The following FMN2 variants were observed in gnomAD, a reference collection of about 807,000 sequenced individuals.
The protein encoded by FMN2 is formin 2, also known as formin-2.
FMN2 carries 51 observed loss-of-function variants against 142.3 expected under a neutral mutation model. That is an observed-to-expected ratio of 0.36 (90% CI 0.29 to 0.45). The LOEUF (loss-of-function observed/expected upper bound fraction) is 0.45. Ranked by LOEUF, FMN2 falls within the 20% of genes least tolerant of loss-of-function variation. The probability of loss-of-function intolerance (pLI) is 1.00; values close to 1 mark genes in which losing one functional copy is unlikely to be tolerated. For missense variants in FMN2, 1,936 were observed against 2,122.8 expected (o/e 0.91, Z 1.73); for synonymous variants, 882 against 869.8 (o/e 1.01, Z -0.25).
At chr1:240,181,344 C>G (rs955612662) in intron 3 of FMN2, among the ~76,000 whole-genome samples, 1 of 152,196 alleles carries the variant, frequency 6.6e-6, no homozygotes, top group Non-Finnish European at 1.5e-5. Context: ...ATTCACATGT[C>G]CAGCTAGTTC....
At position 240,211,061 on chromosome 1, in the gene FMN2, C is replaced by T. The variant is rs768682720; in HGVS notation, c.3921-30C>T. The T allele has an allele frequency of 4.4e-6, 7 of 1,579,664 alleles. No individual in the cohort carries two copies. The South Asian group carries it at 5.9e-5, about 13-fold the overall frequency. ...CTGTGATGTAAGTTCAGTTTGATGG[C>T]TGTTTTATTGTTCTTTTGCTTAATT... On this transcript the variant is annotated intron_variant, in intron 5 of 17. Transcript: ENST00000319653.
At chr1:240,434,206 G>A (rs1675275306) in intron 15 of FMN2, among the ~76,000 whole-genome samples, 1 of 152,150 alleles carries the variant, frequency 6.6e-6, no homozygotes, top group Non-Finnish European at 1.5e-5. Context: ...TCATGTGCCA[G>A]GGTCATTTCG....
intron 15 of FMN2, among the ~76,000 whole-genome samples, chr1:240,420,725 T>C (rs2103141690): frequency 6.6e-6 from 1 of 152,244 alleles, no homozygotes; most frequent in Middle Eastern, 3.4e-3. Context: ...TCTTCAGCAA[T>C]CACATAGCCA....
chr1:240,459,159 T>C (rs1424818246), intron 16 of FMN2: 1 of 152,224 alleles, frequency 6.6e-6, no homozygotes, highest in Non-Finnish European at 1.5e-5. Context: ...AAGCTCTTAA[T>C]AGTACCTTTC....
intron 15 of FMN2, among the ~76,000 whole-genome samples, chr1:240,421,660 C>T (rs892876881): frequency 6.6e-6 from 1 of 152,030 alleles, no homozygotes; most frequent in African/African-American, 2.4e-5. Flanking sequence ...TTTAATTTTT[C>T]TTGTTTCATT....
intron 2 of FMN2, 141 bp from the exon 3 acceptor site, chr1:240,177,780 T>C (rs1664980067): frequency 7.5e-6 from 5 of 664,258 alleles, no homozygotes; most frequent in Middle Eastern, 4.6e-4. Context: ...CTGAATAGTA[T>C]AAAAATGCTG....
chr1:240,387,646 C>A (rs1046442420), intron 14 of FMN2, among the ~76,000 whole-genome samples: 14 of 152,286 alleles, frequency 9.2e-5, no homozygotes, highest in Admixed American at 9.2e-4. Flanking sequence ...GCCATAATTT[C>A]TCTGTTGCTG....
intron 16 of FMN2, among the ~76,000 whole-genome samples, chr1:240,448,889 T>C (rs1030677972): frequency 4.6e-5 from 7 of 152,086 alleles, no homozygotes; most frequent in Admixed American, 4.6e-4. Context: ...ACACCTGTAA[T>C]CCCAGTACTT....
intron 16 of FMN2, chr1:240,472,121 T>C (rs1676831254): frequency 2.6e-6 from 1 of 377,490 alleles, no homozygotes; most frequent in African/African-American, 2.1e-5. Context: ...ATAGAAATTC[T>C]TATGTGTTTG....
intron 8 of FMN2, among the ~76,000 whole-genome samples, chr1:240,295,614 T>C (rs1423255484): frequency 6.6e-6 from 1 of 152,212 alleles, no homozygotes; most frequent in African/African-American, 2.4e-5. Flanking sequence ...TTTTTATGGG[T>C]GAATAATATT....
intron 7 of FMN2, among the ~76,000 whole-genome samples, chr1:240,287,930 G>T (rs1157412303): frequency 6.6e-6 from 1 of 152,142 alleles, no homozygotes; most frequent in Non-Finnish European, 1.5e-5. Context: ...AGTGCCATCA[G>T]GTGGCAATGT....
In FMN2 at chr1:240,207,516, C is replaced by T. The variant is rs2103387807; in HGVS notation, c.2704C>T (p.Leu902=). The T allele has an allele frequency of 6.2e-7, 1 of 1,613,510 alleles. No homozygotes were observed. The highest frequency in any genetic ancestry group is 1.1e-5 in the South Asian group (1 of 91,054). Residue 902 remains leucine, a synonymous_variant, in exon 5 of 18, where the codon CTG becomes TTG. Transcript: ENST00000319653. ...TACAGCCATTCCCCAACCTCCTCCT[C>T]TGCAGGGTACAGAAATGCTGCCACC... ...PSTAIPQPPP[L]QGTEMLPPPP... is the part of the protein sequence containing the mutation.
intron 2 of FMN2, chr1:240,142,577 C>G: frequency 7.6e-7 from 1 of 1,324,324 alleles, no homozygotes; most frequent in South Asian, 1.4e-5. Flanking sequence ...GCAACAATTC[C>G]CCCGGAAGTC....
intron 15 of FMN2, among the ~76,000 whole-genome samples, chr1:240,426,343 G>T (rs1032280903): frequency 4.6e-5 from 7 of 152,040 alleles, no homozygotes; most frequent in Admixed American, 2.0e-4. Context: ...TTTATTATCT[G>T]TGGAACATAA....
In FMN2 at chr1:240,438,189, A is replaced by G; in HGVS notation, c.5039A>G (p.Asn1680Ser). The G allele has an allele frequency of 6.2e-7, 1 of 1,613,330 alleles. No individual in the cohort carries two copies. Among genetic ancestry groups the G allele is most frequent in the Non-Finnish European group, 8.5e-7 (1 of 1,179,818 alleles). Reference sequence around the variant, plus strand: ...TTTAAAGACTTCTGGAAGAAAGAGAACAAACTTCTTCTACAAGAGAGGTAG... The same window carrying G: ...TTTAAAGACTTCTGGAAGAAAGAGAGCAAACTTCTTCTACAAGAGAGGTAG... ...SDFKDFWKKE[N>S]KLLLQERVKE... Residue 1680 changes from asparagine (N) to serine (S), a missense_variant, in exon 16 of 18, where the codon AAC (asparagine) becomes AGC (serine). Physicochemically the swap from Asn to Ser is conservative, Grantham distance 46. Coordinates refer to ENST00000319653, the MANE Select transcript of FMN2 (RefSeq NM_020066.5).
chr1:240,415,547 G>T (rs1201165523), intron 15 of FMN2, among the ~76,000 whole-genome samples: 2 of 147,532 alleles, frequency 1.4e-5, no homozygotes, highest in African/African-American at 5.0e-5. Context: ...AAAAAAAATT[G>T]AAGTCTCCAC....
intron 7 of FMN2, among the ~76,000 whole-genome samples, chr1:240,276,990 C>A (rs1485863733): frequency 6.6e-6 from 1 of 152,160 alleles, no homozygotes; most frequent in Admixed American, 6.5e-5. Flanking sequence ...GTTTTAAAAT[C>A]AGGCTGTGTG....
At chr1:240,358,682 G>T (rs4659966) in intron 14 of FMN2, among the ~76,000 whole-genome samples, 11 of 151,914 alleles carry the variant, frequency 7.2e-5, no homozygotes. Flanking sequence ...ATTAGATCTC[G>T]TGAGAACTCA....
chr1:240,099,827 G>A (rs1312245770), intron 1 of FMN2, among the ~76,000 whole-genome samples: 1 of 151,980 alleles, frequency 6.6e-6, no homozygotes, highest in Non-Finnish European at 1.5e-5. Flanking sequence ...TTGGATTTAG[G>A]GATTCTTCTG....
Sources: gnomAD v4.1 joint callset for allele counts (sites outside exome capture counted in the v4.1 genomes callset) on GRCh38, gnomAD v4.1.1 for gene constraint, MANE v1.5 for transcripts, NCBI Gene and HGNC (gene_info 2026-07-23, HGNC 2026-07-21) for gene names.